The following MRTFB variants were observed in gnomAD, a reference collection of about 807,000 sequenced individuals.
MRTFB encodes myocardin related transcription factor B.
In MRTFB, 29 loss-of-function variants were observed where a neutral mutation model predicts 104.2. The ratio of observed to expected loss-of-function variants is 0.28; its 90% CI spans 0.21 to 0.38. MRTFB has a LOEUF of 0.38. Among genes scored for constraint, MRTFB ranks in the 10% least tolerant of loss-of-function variants. The pLI is 1.00. For missense variants in MRTFB, 1,270 were observed against 1,341.6 expected (o/e 0.95, Z 0.83); for synonymous variants, 535 against 519.5 (o/e 1.03, Z -0.41).
chr16:14,208,111 G>A (rs944502701), intron 3 of MRTFB, among the ~76,000 whole-genome samples: 2 of 152,200 alleles, frequency 1.3e-5, no homozygotes, highest in African/African-American at 2.4e-5. Context: ...ACACGCATCC[G>A]TGTTGTATGT....
At chr16:14,161,211 T>C (rs887077221) in intron 3 of MRTFB, among the ~76,000 whole-genome samples, 1 of 149,836 alleles carries the variant, frequency 6.7e-6, no homozygotes, top group Admixed American at 6.8e-5. Context: ...CATCATGAAG[T>C]AGGTGAACAA....
chr16:14,098,271 A>G (rs540767980), intron 2 of MRTFB, among the ~76,000 whole-genome samples: 1 of 152,250 alleles, frequency 6.6e-6, no homozygotes, highest in African/African-American at 2.4e-5. Context: ...CACATTATTC[A>G]TTCTAATAGA....
rs956701788 is a variant in MRTFB at position 14,262,096 on chromosome 16, A to G, written c.*652A>G. The G allele has an allele frequency of 1.6e-4, 25 of 152,242 alleles. No homozygotes were observed. The highest frequency in any genetic ancestry group is 5.1e-4 in the African/African-American group (21 of 41,460). The allele number at this position is 152,242 out of a possible 1,614,324, so 9.4% of individuals were successfully genotyped here. On this transcript the variant is annotated 3_prime_UTR_variant, in exon 17 of 17. Transcript: ENST00000571589. Reference sequence around the variant, plus strand: ...ATTTCCAAATTTAAATTTAAATGCAAGATCTTTCAACATAAACAGAAGATA... The same window carrying G: ...ATTTCCAAATTTAAATTTAAATGCAGGATCTTTCAACATAAACAGAAGATA...
At chr16:14,213,485 A>G in intron 5 of MRTFB, 60 bp from the exon 6 acceptor site, 2 of 1,200,710 alleles carry the variant, frequency 1.7e-6, no homozygotes, top group Non-Finnish European at 1.2e-6. Context: ...ACCTTAAAGA[A>G]CATTTAAAAC....
In MRTFB at chr16:14,218,890, G is replaced by T; in HGVS notation, c.585G>T (p.Leu195Phe). ...TTGATGAAGACAGCAGTGACGCTTT[G>T]TCTCCGGACCAGCCTGCGAGTCAGG... ...FSFDEDSSDA[L>F]SPDQPASQES... Residue 195 changes from leucine (L) to phenylalanine (F), a missense_variant, in exon 8 of 17, where the codon TTG becomes TTT. Physicochemically the swap from Leu to Phe is conservative, Grantham distance 22. Around this residue, in one of 3 missense-constraint regions of MRTFB, gnomAD observed 1,144 missense variants for 1,131.5 expected, o/e 1.01. Coordinates refer to ENST00000571589, the MANE Select transcript of MRTFB (RefSeq NM_001308142.2). The T allele has an allele frequency of 6.2e-7, 1 of 1,614,022 alleles. No individual in the cohort carries two copies. The highest frequency in any genetic ancestry group is 8.5e-7 in the Non-Finnish European group (1 of 1,179,986).
rs775052662 is a variant in MRTFB at position 14,247,461 on chromosome 16, C to T, written c.2201C>T (p.Ser734Leu). 45 of 1,590,712 alleles carry T rather than the reference C, an allele frequency of 2.8e-5. No individual in the cohort carries two copies. Among genetic ancestry groups the T allele is most frequent in the Non-Finnish European group, 3.7e-5 (43 of 1,173,012 alleles). The part of the protein sequence containing the change: ...QLLLPVSIQG[S>L]SVTSVQLPVG... ...CTGCTCCCAGTGTCCATCCAGGGCT[C>T]GAGTGTCACCTCAGTGCAACTCCCT... Residue 734 changes from serine (S) to leucine (L), a missense_variant, in exon 12 of 17, where the codon TCG (serine) becomes TTG (leucine). Ser to Leu is a moderately radical substitution (Grantham distance 145, BLOSUM62 -2). Transcript: ENST00000571589.
In MRTFB at chr16:14,261,356, C is replaced by G; in HGVS notation, c.3212C>G (p.Ser1071Ter). The change falls in exon 17 of 17, where the codon TCA (serine) becomes TGA (stop). Residue 1071 changes from serine (S) to a stop codon, truncating the protein, a stop_gained. Coordinates refer to ENST00000571589, the MANE Select transcript of MRTFB (RefSeq NM_001308142.2). LOFTEE classifies it high-confidence loss of function. ...WLDITMPNSS[S>*]GLTPLSTTAP... is the part of the protein sequence containing the mutation. The stretch of plus-strand genomic sequence containing the variant: ...GACATTACCATGCCCAACTCCTCTT[C>G]AGGACTCACTCCTCTCAGCACCACC... 6.2e-7 allele frequency: 1 copy of G among 1,614,204 alleles called. No homozygotes were observed. The highest frequency in any genetic ancestry group is 8.5e-7 in the Non-Finnish European group (1 of 1,180,038).
intron 2 of MRTFB, among the ~76,000 whole-genome samples, chr16:14,117,292 G>A (rs1012973043): frequency 2.0e-5 from 3 of 152,232 alleles, no homozygotes; most frequent in East Asian, 1.9e-4. Flanking sequence ...CCCTCAAGGC[G>A]CTCCCAGCCC....
chr16:14,135,773 T>G (rs1012706155), intron 2 of MRTFB, among the ~76,000 whole-genome samples: 4 of 152,230 alleles, frequency 2.6e-5, no homozygotes, highest in African/African-American at 9.6e-5. Flanking sequence ...TTTACAGTTG[T>G]GCTTTACTGC....
chr16:14,200,873 G>C, intron 3 of MRTFB: 1 of 1,457,580 alleles, frequency 6.9e-7, no homozygotes. Flanking sequence ...GGTTACCTCA[G>C]GTGTAAGGTG....
At chr16:14,090,273 G>C (rs781734172) in intron 2 of MRTFB, among the ~76,000 whole-genome samples, 3 of 152,192 alleles carry the variant, frequency 2.0e-5, no homozygotes, top group Non-Finnish European at 4.4e-5. Context: ...ACTATACAAT[G>C]AGTAAGAGGT....
At chr16:14,230,663 G>A (rs1445750515) in intron 8 of MRTFB, among the ~76,000 whole-genome samples, 1 of 152,178 alleles carries the variant, frequency 6.6e-6, no homozygotes, top group Non-Finnish European at 1.5e-5. Context: ...GGAGAAATAG[G>A]AACACTTTTA....
At chr16:14,000,443 G>A in the MRTFB span, among the ~76,000 whole-genome samples, 1 of 152,352 alleles carries the variant, frequency 6.6e-6, no homozygotes, top group South Asian at 2.1e-4. Flanking sequence ...GGAGCTCAGT[G>A]AGGTGAGTGA....
chr16:14,026,996 G>C, the MRTFB span, among the ~76,000 whole-genome samples: 1 of 152,144 alleles, frequency 6.6e-6, no homozygotes, highest in Non-Finnish European at 1.5e-5. Flanking sequence ...AAGTGTAGCA[G>C]TTTCTTACAC....
the MRTFB span, among the ~76,000 whole-genome samples, chr16:14,049,817 C>G: frequency 6.6e-6 from 1 of 152,216 alleles, no homozygotes. Flanking sequence ...ACTGCAAGCT[C>G]TACCTCCCCA....
chr16:14,054,553 CTTCAGGAATTCCT>C, the MRTFB span, among the ~76,000 whole-genome samples: 4 of 152,152 alleles, frequency 2.6e-5, no homozygotes, highest in Non-Finnish European at 5.9e-5. Flanking sequence ...TATGTCATCA[CTTCAGGAATTCCT>C]TTCCTGGCCT....
At chr16:14,041,167 G>T in the MRTFB span, among the ~76,000 whole-genome samples, 1 of 151,972 alleles carries the variant, frequency 6.6e-6, no homozygotes, top group Admixed American at 6.6e-5. Flanking sequence ...GGGGAGAGGA[G>T]GGGAGGGGAG....
In MRTFB at chr16:14,247,496, C is replaced by G; in HGVS notation, c.2236C>G (p.Leu746Val). 3 of 1,556,618 alleles carry G rather than the reference C, an allele frequency of 1.9e-6. No homozygotes were observed. Among genetic ancestry groups the G allele is most frequent in the Non-Finnish European group, 2.6e-6 (3 of 1,156,298 alleles). The stretch of plus-strand genomic sequence containing the variant: ...CTCAGTGCAACTCCCTGTAGGCAGC[C>G]TCAAACTCCAGGTGTGAAGTGTGTC... ...VTSVQLPVGSLKLQTSPQAGM... is the reference protein window; with the variant it reads ...VTSVQLPVGSVKLQTSPQAGM... Residue 746 changes from leucine (L) to valine (V), a missense_variant, in exon 12 of 17, where the codon CTC (leucine) becomes GTC (valine). Around this residue, in one of 3 missense-constraint regions of MRTFB, gnomAD observed 1,144 missense variants for 1,131.5 expected, o/e 1.01. Coordinates refer to ENST00000571589, the MANE Select transcript of MRTFB (RefSeq NM_001308142.2).
the MRTFB span, among the ~76,000 whole-genome samples, chr16:14,036,244 T>C: frequency 7.6e-6 from 1 of 131,866 alleles, no homozygotes; most frequent in Admixed American, 9.2e-5. Flanking sequence ...ATATAATATA[T>C]GTTATACTAT....
Sources: gnomAD v4.1 joint callset for allele counts (sites outside exome capture counted in the v4.1 genomes callset) on GRCh38, gnomAD v4.1.1 for gene constraint, gnomAD v4.1.1 regional missense constraint, MANE v1.5 for transcripts, NCBI Gene and HGNC (gene_info 2026-07-23, HGNC 2026-07-21) for gene names.